Variants in RERE observed in about 807,000 individuals in gnomAD.
RERE encodes arginine-glutamic acid dipeptide repeats protein.
RERE carries 40 observed loss-of-function variants against 146.1 expected under a neutral mutation model. The ratio of observed to expected loss-of-function variants is 0.27; its 90% CI spans 0.21 to 0.36. RERE has a LOEUF of 0.36. Ranked by LOEUF, RERE falls within the 10% of genes least tolerant of loss-of-function variation. RERE has a pLI of 1.00. For synonymous variants in RERE, 1,003 were observed against 866.0 expected (o/e 1.16, Z -2.78); for missense variants, 1,933 against 2,138.7 (o/e 0.90, Z 1.90).
intron 13 of RERE, 67 bp downstream of exon 13, chr1:8,365,745 A>C: frequency 1.3e-6 from 2 of 1,569,598 alleles, no homozygotes; most frequent in Non-Finnish European, 1.7e-6. Context: ...CTACGGGCCC[A>C]GAGTGGGACA....
chr1:8,672,956 G>A (rs879284888), intron 1 of RERE, among the ~76,000 whole-genome samples: 1 of 152,182 alleles, frequency 6.6e-6, no homozygotes, highest in Non-Finnish European at 1.5e-5. Flanking sequence ...TATTTAATCA[G>A]CAGTAATTAG....
At chr1:8,489,281 G>A (rs892590727) in intron 10 of RERE, among the ~76,000 whole-genome samples, 2 of 151,626 alleles carry the variant, frequency 1.3e-5, no homozygotes, top group Non-Finnish European at 2.9e-5. Context: ...GATTGCTTGA[G>A]CTCAGGAGTT....
rs144355478 is a variant in RERE, at chr1:8,751,777, T to TA, written c.-145+65382dup. On this transcript the variant is annotated intron_variant, in intron 1 of 22. Transcript: ENST00000400908. ...CTTTAGCTCAGAATCCCTTTCACTT[T>TA]AAAAAAAAAAAAAAAAGAACTTACA... is the stretch of plus-strand genomic sequence containing the variant. Among the ~76,000 whole-genome samples the TA allele has an allele frequency of 8.3e-3, 1,180 of 141,482 alleles. 11 individuals are homozygous for TA. The highest frequency in any genetic ancestry group is 0.022 in the African/African-American group (849 of 38,870). The allele number at this position is 141,482 out of a possible 152,430, so 92.8% of individuals were successfully genotyped here.
intron 12 of RERE, among the ~76,000 whole-genome samples, chr1:8,405,319 A>T (rs1643407291): frequency 6.6e-6 from 1 of 152,180 alleles, no homozygotes; most frequent in African/African-American, 2.4e-5. Flanking sequence ...TCATTAAGAA[A>T]TTTTTTTGCA....
chr1:8,570,390 A>G (rs944257017), intron 4 of RERE, among the ~76,000 whole-genome samples: 7 of 152,194 alleles, frequency 4.6e-5, no homozygotes, highest in African/African-American at 1.7e-4. Context: ...GAATTCATTA[A>G]TAACAGTAAT....
chr1:8,782,962 A>G (rs1051700311), intron 1 of RERE, among the ~76,000 whole-genome samples: 1 of 152,092 alleles, frequency 6.6e-6, no homozygotes, highest in Non-Finnish European at 1.5e-5. Flanking sequence ...GCTCCTGACA[A>G]CCCCATCCTT....
At chr1:8,589,725 A>T (rs910453211) in intron 4 of RERE, among the ~76,000 whole-genome samples, 14 of 152,214 alleles carry the variant, frequency 9.2e-5, no homozygotes, top group Admixed American at 9.2e-4. Flanking sequence ...GTGCCTTCAC[A>T]GTTCTGTGAC....
At position 8,361,042 on chromosome 1, in the gene RERE, G is replaced by C. The variant is rs780817788; in HGVS notation, c.2465C>G (p.Pro822Arg). Residue 822 changes from proline (P) to arginine (R), a missense_variant, in exon 18 of 23, where the codon CCA becomes CGA. Pro to Arg is a moderately radical substitution (Grantham distance 103). This residue lies in a region of RERE where 1,255 missense variants were observed against 1,153.8 expected (regional missense o/e 1.09). Transcript: ENST00000400908. ...AGTCAGAGGCTGCAGCGGGGGATGT[G>C]GCGAGGGATGCGGCGGGGGATGCGG... is the stretch of plus-strand genomic sequence containing the variant. ...PSPHPPPHPS[P>R]HPPLQPLTGS... 1 of 1,439,084 alleles carries C rather than the reference G, an allele frequency of 6.9e-7. No homozygotes were observed. The highest frequency in any genetic ancestry group is 9.1e-7 in the Non-Finnish European group (1 of 1,101,916). The allele number at this position is 1,439,084 out of a possible 1,614,324, so 89.1% of individuals were successfully genotyped here.
chr1:8,568,777 T>C (rs1646182692), intron 4 of RERE, among the ~76,000 whole-genome samples: 1 of 152,198 alleles, frequency 6.6e-6, no homozygotes, highest in African/African-American at 2.4e-5. Context: ...ATCATGGGAC[T>C]TAGCTTCTAT....
chr1:8,763,513 T>C (rs1640792625), intron 1 of RERE, among the ~76,000 whole-genome samples: 2 of 152,184 alleles, frequency 1.3e-5, no homozygotes, highest in Admixed American at 1.3e-4. Flanking sequence ...CGCACGCCTG[T>C]AATCCCAGCC....
rs759234229 is a variant in RERE, at chr1:8,497,504, A to C, written c.905T>G (p.Phe302Cys). The C allele has an allele frequency of 3.1e-6, 5 of 1,613,970 alleles. No individual in the cohort carries two copies. The highest frequency in any genetic ancestry group is 4.2e-6 in the Non-Finnish European group (5 of 1,179,952). ...CACTGTATCACCATCTGGAGAAGGA[A>C]ATGGTTGCAGATCTGGAAGTTTGGC... is the stretch of plus-strand genomic sequence containing the variant. Reference protein sequence around the residue: ...HQAKLPDLQPFPSPDGDTVTQ... With the variant: ...HQAKLPDLQPCPSPDGDTVTQ... The change falls in exon 9 of 23, where the codon TTT (phenylalanine) becomes TGT (cysteine). Residue 302 changes from phenylalanine to cysteine, a missense_variant. Coordinates refer to ENST00000400908, the MANE Select transcript of RERE (RefSeq NM_001042681.2).
intron 12 of RERE, among the ~76,000 whole-genome samples, chr1:8,369,801 T>TA (rs1348321094): frequency 6.6e-6 from 1 of 152,076 alleles, no homozygotes; most frequent in African/African-American, 2.4e-5. Context: ...TATATATATA[T>TA]TTTTTTGAGA....
intron 4 of RERE, among the ~76,000 whole-genome samples, chr1:8,596,914 C>CAAA (rs903658224): frequency 9.2e-5 from 14 of 152,250 alleles, no homozygotes; most frequent in Admixed American, 3.9e-4. Flanking sequence ...TGTTCAAGTA[C>CAAA]AAATCCCCCT....
Position 8,360,237 on chromosome 1 carries a change from G to T in RERE, c.3270C>A (p.Thr1090=). The change falls in exon 18 of 23, where the codon ACC becomes ACA. Residue 1090 remains threonine (T), a synonymous_variant. Coordinates refer to ENST00000400908, the MANE Select transcript of RERE (RefSeq NM_001042681.2). ...IAGGSSCPLP[T]VQIKEEALDD... is the part of the protein sequence containing the mutation. ...CCAGAGCCTCCTCCTTGATCTGGAC[G>T]GTGGGGAGTGGGCAGGACGACCCCC... 1.3e-6 allele frequency: 2 copies of T among 1,582,974 alleles called. No individual in the cohort carries two copies. Among genetic ancestry groups the T allele is most frequent in the East Asian group, 2.3e-5 (1 of 43,484 alleles).
intron 2 of RERE, among the ~76,000 whole-genome samples, chr1:8,630,562 T>C (rs1647023442): frequency 6.6e-6 from 1 of 152,174 alleles, no homozygotes; most frequent in Non-Finnish European, 1.5e-5. Context: ...TGAGGGGTAC[T>C]CATATTGACT....
intron 12 of RERE, among the ~76,000 whole-genome samples, chr1:8,377,867 T>C (rs1056085678): frequency 1.2e-4 from 19 of 152,180 alleles, no homozygotes; most frequent in East Asian, 3.9e-4. Flanking sequence ...GAGGTGATAA[T>C]TGAATGACAG....
chr1:8,482,313 T>C (rs1419186443), intron 10 of RERE, among the ~76,000 whole-genome samples: 1 of 152,160 alleles, frequency 6.6e-6, no homozygotes, highest in Non-Finnish European at 1.5e-5. Context: ...GGTATAAAGT[T>C]TGACTTTAAA....
intron 19 of RERE, among the ~76,000 whole-genome samples, chr1:8,359,204 T>G (rs1288736951): frequency 2.0e-5 from 3 of 151,964 alleles, no homozygotes; most frequent in Admixed American, 2.0e-4. Context: ...TGTCTGGGAG[T>G]GACAGCTGGG....
chr1:8,615,853 C>A (rs1350856244), intron 3 of RERE, among the ~76,000 whole-genome samples: 2 of 152,070 alleles, frequency 1.3e-5, no homozygotes, highest in African/African-American at 4.8e-5. Context: ...AATGTTTTAT[C>A]ATGATCATTT....
Sources: gnomAD v4.1 joint callset for allele counts (sites outside exome capture counted in the v4.1 genomes callset) on GRCh38, gnomAD v4.1.1 for gene constraint, gnomAD v4.1.1 regional missense constraint, MANE v1.5 for transcripts, NCBI Gene and HGNC (gene_info 2026-07-23, HGNC 2026-07-21) for gene names.